Variants in ALDH9A1 observed in about 807,000 individuals in gnomAD.
The protein encoded by ALDH9A1 is 4-trimethylaminobutyraldehyde dehydrogenase.
A neutral mutation model predicts 56.6 loss-of-function variants in ALDH9A1; 42 were observed. That is an observed-to-expected ratio of 0.74 (90% CI 0.58 to 0.96). The LOEUF is 0.96. Among genes scored for constraint, ALDH9A1 ranks in the 40% least tolerant of loss-of-function variants. The probability of loss-of-function intolerance (pLI) is 0.00; values close to 1 mark genes in which losing one functional copy is unlikely to be tolerated. For missense variants in ALDH9A1, 661 were observed against 651.5 expected, an observed-to-expected ratio of 1.01 and a Z score of -0.16; for synonymous variants, 242 against 236.0, an observed-to-expected ratio of 1.03 and a Z score of -0.23.
chr1:165,674,145 T>C (rs1649268429), intron 6 of ALDH9A1, among the ~76,000 whole-genome samples: 1 of 151,776 alleles, frequency 6.6e-6, no homozygotes. Flanking sequence ...CATGGCAACG[T>C]CATTTTACCC....
intron 9 of ALDH9A1, among the ~76,000 whole-genome samples, chr1:165,666,328 G>A (rs961538237): frequency 6.6e-6 from 1 of 151,988 alleles, no homozygotes; most frequent in African/African-American, 2.4e-5. Flanking sequence ...AATAGATTAT[G>A]GTGATGGTTG....
rs555409534 is a variant in ALDH9A1 at position 165,673,074 on chromosome 1, AT to A, written c.931-3625del. Reference sequence around the variant, plus strand: ...ATACACACAAAAAAATCATCACAATATATAAGGAACTCACACTATTCAATTG... The same window carrying A: ...ATACACACAAAAAAATCATCACAATAATAAGGAACTCACACTATTCAATTG... On this transcript the variant is annotated intron_variant, in intron 6 of 10. Coordinates refer to ENST00000354775, the MANE Select transcript of ALDH9A1 (RefSeq NM_000696.4). Among the ~76,000 whole-genome samples, 51 of 150,518 alleles carry A rather than the reference AT, an allele frequency of 3.4e-4. 1 individual carries two copies. The East Asian group carries it at 9.8e-3, about 29-fold the overall frequency.
chr1:165,675,282 A>G (rs1037337944), intron 6 of ALDH9A1, among the ~76,000 whole-genome samples: 1 of 151,868 alleles, frequency 6.6e-6, no homozygotes, highest in African/African-American at 2.4e-5. Flanking sequence ...TATAAAGTAT[A>G]CATAGTACAG....
intron 9 of ALDH9A1, 51 bp downstream of exon 9, chr1:165,667,258 T>C (rs1004436816): frequency 6.2e-7 from 1 of 1,606,476 alleles, no homozygotes; most frequent in Non-Finnish European, 8.5e-7. Flanking sequence ...TCTAAGCAGA[T>C]ACTGCAGCCC....
intron 6 of ALDH9A1, among the ~76,000 whole-genome samples, chr1:165,674,180 T>C (rs548167846): frequency 2.6e-5 from 4 of 151,972 alleles, no homozygotes; most frequent in Non-Finnish European, 4.4e-5. Context: ...TGAGGAGGCA[T>C]GAATAACCCA....
At chr1:165,682,086 G>A (rs917670564) in intron 4 of ALDH9A1, 21 bp downstream of exon 4, 2 of 1,613,092 alleles carry the variant, frequency 1.2e-6, no homozygotes, top group African/African-American at 2.7e-5. Context: ...GCTCTCAAAT[G>A]GAGGGATAAT....
At chr1:165,689,143 G>C (rs1175932764) in intron 2 of ALDH9A1, among the ~76,000 whole-genome samples, 1 of 152,154 alleles carries the variant, frequency 6.6e-6, no homozygotes, top group African/African-American at 2.4e-5. Context: ...TATCTGCTTT[G>C]AGTTATCTTT....
chr1:165,677,880 T>G, intron 6 of ALDH9A1, among the ~76,000 whole-genome samples: 1 of 131,542 alleles, frequency 7.6e-6, no homozygotes, highest in East Asian at 2.1e-4. Flanking sequence ...AAAAAAAAAA[T>G]TAGCCAGCCG....
chr1:165,679,327 T>C (rs1213201563), intron 6 of ALDH9A1, 115 bp downstream of exon 6: 5 of 1,225,828 alleles, frequency 4.1e-6, no homozygotes, highest in Non-Finnish European at 5.6e-6. Flanking sequence ...CTTTGTACTA[T>C]TTGTGCAACT....
chr1:165,695,121 A>G, intron 2 of ALDH9A1, 131 bp downstream of exon 2: 2 of 1,019,828 alleles, frequency 2.0e-6, no homozygotes, highest in Non-Finnish European at 2.8e-6. Context: ...TACTAAGGTG[A>G]GCATGTGGAA....
chr1:165,683,948 T>C (rs939613398), intron 2 of ALDH9A1, among the ~76,000 whole-genome samples: 1 of 152,172 alleles, frequency 6.6e-6, no homozygotes, highest in African/African-American at 2.4e-5. Flanking sequence ...AGGGTGACTA[T>C]CAGAACATAC....
intron 6 of ALDH9A1, among the ~76,000 whole-genome samples, chr1:165,677,719 G>A (rs572882879): frequency 7.2e-5 from 11 of 151,978 alleles, no homozygotes; most frequent in Non-Finnish European, 1.5e-4. Flanking sequence ...TTAGCCAGGC[G>A]TGGTGGCGGG....
In ALDH9A1 at chr1:165,679,474, C is replaced by A. The variant is rs1267385207; in HGVS notation, c.898G>T (p.Ala300Ser). 2 of 1,614,130 alleles carry A rather than the reference C, an allele frequency of 1.2e-6. No individual in the cohort carries two copies. The highest frequency in any genetic ancestry group is 1.7e-5 in the Admixed American group (1 of 60,026). ...DCDMNNAVKG[A>S]LMANFLTQGQ... The stretch of plus-strand genomic sequence containing the variant: ...TGTGTGAGGAAGTTGGCCATCAGCG[C>A]CCCCTTTACAGCATTGTTCATATCA... The change falls in exon 6 of 11, where the codon GCG becomes TCG. Residue 300 changes from alanine to serine, a missense_variant. By Grantham distance (99) the Ala-to-Ser change is moderately conservative. Coordinates refer to ENST00000354775, the MANE Select transcript of ALDH9A1 (RefSeq NM_000696.4).
chr1:165,671,881 C>A (rs934036202), intron 6 of ALDH9A1, among the ~76,000 whole-genome samples: 1 of 152,040 alleles, frequency 6.6e-6, no homozygotes, highest in Non-Finnish European at 1.5e-5. Context: ...AAATGCAAAT[C>A]AAAACCACAA....
intron 2 of ALDH9A1, among the ~76,000 whole-genome samples, chr1:165,687,973 G>A (rs1191780214): frequency 6.6e-6 from 1 of 150,758 alleles, no homozygotes; most frequent in East Asian, 2.0e-4. Context: ...GGGTGAGAGA[G>A]AGAGACTCCT....
intron 6 of ALDH9A1, among the ~76,000 whole-genome samples, chr1:165,673,738 T>A (rs1157499464): frequency 2.0e-5 from 3 of 152,154 alleles, no homozygotes; most frequent in Non-Finnish European, 2.9e-5. Context: ...CTATTCAGCA[T>A]GAAAAAGTTT....
chr1:165,688,772 A>G (rs1456406267), intron 2 of ALDH9A1, among the ~76,000 whole-genome samples: 1 of 152,180 alleles, frequency 6.6e-6, no homozygotes, highest in Non-Finnish European at 1.5e-5. Context: ...ACTGAGGGCT[A>G]ATATGATTGT....
chr1:165,683,575 G>A (rs1038726189), intron 2 of ALDH9A1, among the ~76,000 whole-genome samples: 4 of 152,192 alleles, frequency 2.6e-5, no homozygotes, highest in African/African-American at 9.7e-5. Context: ...CTCATATATG[G>A]TAAGAGAAAA....
chr1:165,668,919 G>T lies in ALDH9A1; in HGVS notation c.1207+7C>A. The T allele has an allele frequency of 6.4e-7, 1 of 1,555,582 alleles. No individual in the cohort carries two copies. Among genetic ancestry groups the T allele is most frequent in the South Asian group, 1.1e-5 (1 of 88,738 alleles). On this transcript the variant is annotated splice_region_variant and intron_variant, in intron 8 of 10. Coordinates refer to ENST00000354775, the MANE Select transcript of ALDH9A1 (RefSeq NM_000696.4). ...ATCATCTAAAAGCAAACAAAAAGAGGACATACTTAATACACAAGGTCTCAT... is the reference window on the plus strand; with the variant it reads ...ATCATCTAAAAGCAAACAAAAAGAGTACATACTTAATACACAAGGTCTCAT...
Sources: gnomAD v4.1 joint callset for allele counts (sites outside exome capture counted in the v4.1 genomes callset) on GRCh38, gnomAD v4.1.1 for gene constraint, MANE v1.5 for transcripts, NCBI Gene and HGNC (gene_info 2026-07-23, HGNC 2026-07-21) for gene names.